Variants in MSI1 observed in about 807,000 individuals in gnomAD.
MSI1 encodes RNA-binding protein Musashi homolog 1.
Under a neutral mutation model 54.4 loss-of-function variants are expected in MSI1, and 15 were observed. That is an observed-to-expected ratio of 0.28 (90% CI 0.18 to 0.42). The LOEUF is 0.42. Ranked by LOEUF, MSI1 falls within the 20% of genes least tolerant of loss-of-function variation. The probability of loss-of-function intolerance (pLI) is 1.00; values close to 1 mark genes in which losing one functional copy is unlikely to be tolerated. For missense variants in MSI1, 304 were observed against 506.0 expected (o/e 0.60, Z 3.83); for synonymous variants, 200 against 196.5 (o/e 1.02, Z -0.15).
intron 8 of MSI1, 86 bp from the exon 9 acceptor site, chr12:120,357,105 T>C: frequency 8.3e-7 from 1 of 1,209,236 alleles, no homozygotes; most frequent in Non-Finnish European, 1.2e-6. Flanking sequence ...TTATTAATTT[T>C]ATTAATTTCA....
intron 6 of MSI1, among the ~76,000 whole-genome samples, chr12:120,359,313 G>A (rs1875429166): frequency 6.6e-6 from 1 of 152,208 alleles, no homozygotes; most frequent in African/African-American, 2.4e-5. Flanking sequence ...TCCCCATGGT[G>A]TAGATAAGAA....
chr12:120,365,102 G>T (rs144296769), intron 4 of MSI1, among the ~76,000 whole-genome samples: 1 of 152,148 alleles, frequency 6.6e-6, no homozygotes, highest in Non-Finnish European at 1.5e-5. Context: ...GTAGAGACGG[G>T]GTTTCACCAT....
chr12:120,368,896 A>G lies in MSI1; in HGVS notation c.60-23T>C. On this transcript the variant is annotated intron_variant, in intron 1 of 14. Coordinates refer to ENST00000257552, the MANE Select transcript of MSI1 (RefSeq NM_002442.4). The surrounding 1 kb of genome is among the most constrained non-coding windows in gnomAD (Gnocchi z 6.6). Reference sequence around the variant, plus strand: ...TTGCTGCGGGAGGAGGAGAGACACAAAGGGCCCGCGTGAGCGCCGGGCGCC... The same window carrying G: ...TTGCTGCGGGAGGAGGAGAGACACAGAGGGCCCGCGTGAGCGCCGGGCGCC... The G allele has an allele frequency of 7.1e-7, 1 of 1,405,810 alleles. No homozygotes were observed. Among genetic ancestry groups the G allele is most frequent in the Non-Finnish European group, 9.4e-7 (1 of 1,062,948 alleles). The allele number at this position is 1,405,810 out of a possible 1,614,324, so 87.1% of individuals were successfully genotyped here.
intron 12 of MSI1, among the ~76,000 whole-genome samples, chr12:120,346,855 T>A (rs113719800): frequency 3.2e-4 from 49 of 152,184 alleles, no homozygotes; most frequent in Non-Finnish European, 4.4e-5. Flanking sequence ...CTCCCCCTAG[T>A]GCAGCAGCAT....
rs929845460 is a variant in MSI1, at chr12:120,341,906, A to G, written c.*1221T>C. On this transcript the variant is annotated 3_prime_UTR_variant, in exon 15 of 15. Transcript: ENST00000257552. ...TGCCACGCCAGCCAGGCCACTGTTC[A>G]TGAAGGTCCAACGCTCTGAACCTCT... 6.5e-6 allele frequency: 1 copy of G among 152,702 alleles called. No homozygotes were observed. The highest frequency in any genetic ancestry group is 1.9e-4 in the East Asian group (1 of 5,176). 9.5% of individuals were successfully genotyped at this position (152,702 alleles called of 1,614,324 possible).
rs1046133839 is a variant in MSI1 at position 120,357,982 on chromosome 12, G to C, written c.452-84C>G. The stretch of plus-strand genomic sequence containing the variant: ...AACCCCAGGTCGTACCAATATCCCC[G>C]CTCCTCTCTCTCTGGCGAGTGAGAG... On this transcript the variant is annotated intron_variant, in intron 7 of 14. Coordinates refer to ENST00000257552, the MANE Select transcript of MSI1 (RefSeq NM_002442.4). 11 of 1,134,074 alleles carry C rather than the reference G, an allele frequency of 9.7e-6. No individual in the cohort carries two copies. In the Admixed American group the frequency reaches 1.7e-4, roughly 18 times the overall value. 70.3% of individuals were successfully genotyped at this position (1,134,074 alleles called of 1,614,324 possible). A position where few individuals can be genotyped will look rare whatever the true frequency, so the allele number is the denominator to read the frequency against.
intron 12 of MSI1, among the ~76,000 whole-genome samples, chr12:120,346,748 T>C (rs1420780530): frequency 6.6e-6 from 1 of 152,162 alleles, no homozygotes; most frequent in Non-Finnish European, 1.5e-5. Context: ...CTTTTCCTCC[T>C]CTTTGCCTTT....
At chr12:120,353,238 AGTC>A in intron 10 of MSI1, 58 bp downstream of exon 10, 1 of 1,532,356 alleles carries the variant, frequency 6.5e-7, no homozygotes, top group Non-Finnish European at 9.0e-7. Context: ...CACCCTGAGA[AGTC>A]AGACTGCCCG....
At chr12:120,353,454 A>G in intron 9 of MSI1, 75 bp from the exon 10 acceptor site, 3 of 1,285,792 alleles carry the variant, frequency 2.3e-6, no homozygotes, top group Non-Finnish European at 3.4e-6. Context: ...GACCTGAGCC[A>G]CTCATGTCCC....
chr12:120,366,439 A>G (rs1482763220), intron 4 of MSI1, among the ~76,000 whole-genome samples: 1 of 151,576 alleles, frequency 6.6e-6, no homozygotes, highest in East Asian at 1.9e-4. Context: ...TCAATTCCAC[A>G]CCTCCACGGA....
Position 120,369,092 on chromosome 12 carries a change from C to T in MSI1, c.-1G>A. The T allele has an allele frequency of 9.8e-7, 1 of 1,015,642 alleles. No homozygotes were observed. Among genetic ancestry groups the T allele is most frequent in the Non-Finnish European group, 1.2e-6 (1 of 854,438 alleles). The allele number at this position is 1,015,642 out of a possible 1,614,324, so 62.9% of individuals were successfully genotyped here. ...CGGGCTGGGGCGCGTCAGTCTCCAT[C>T]GGGAGCCGCGGGCGGCGCGGGCAGC... On this transcript the variant is annotated 5_prime_UTR_variant, in exon 1 of 15. Transcript: ENST00000257552.
chr12:120,365,751 G>C (rs1325748940), intron 4 of MSI1, among the ~76,000 whole-genome samples: 2 of 152,186 alleles, frequency 1.3e-5, no homozygotes, highest in Non-Finnish European at 2.9e-5. Flanking sequence ...TCGGTGACGT[G>C]AAAGGGCATG....
At chr12:120,362,163 C>G (rs541484884) in intron 6 of MSI1, among the ~76,000 whole-genome samples, 14 of 152,148 alleles carry the variant, frequency 9.2e-5, no homozygotes, top group African/African-American at 1.9e-4. Flanking sequence ...ACACCTCCCC[C>G]CCCCACACAA....
In MSI1 at chr12:120,369,120, AGCG is replaced by A. The variant is rs547256348; in HGVS notation, c.-32_-30del. 4.5e-4 allele frequency: 446 copies of A among 999,408 alleles called. No individual in the cohort carries two copies. Among genetic ancestry groups the A allele is most frequent in the East Asian group, 3.1e-3 (29 of 9,322 alleles). The allele number at this position is 999,408 out of a possible 1,614,324, so 61.9% of individuals were successfully genotyped here. The stretch of plus-strand genomic sequence containing the variant: ...GAGCCGCGGGCGGCGCGGGCAGCGG[AGCG>A]GCGGCGGCGGCGGCGGCGGCGGCGC... On this transcript the variant is annotated 5_prime_UTR_variant, in exon 1 of 15. Coordinates refer to ENST00000257552, the MANE Select transcript of MSI1 (RefSeq NM_002442.4).
intron 11 of MSI1, 86 bp downstream of exon 11, chr12:120,351,258 C>T (rs1874571741): frequency 3.1e-6 from 4 of 1,271,692 alleles, no homozygotes; most frequent in Non-Finnish European, 4.5e-6. Flanking sequence ...GAAAAGGATC[C>T]CGCTAGCTTT....
At chr12:120,345,661 T>G in intron 13 of MSI1, 29 bp from the exon 14 acceptor site, 10 of 1,613,136 alleles carry the variant, frequency 6.2e-6, no homozygotes, top group Non-Finnish European at 8.5e-6. Flanking sequence ...GACTCCTAGA[T>G]TCCTGGGAAA....
intron 10 of MSI1, 47 bp from the exon 11 acceptor site, chr12:120,351,447 T>C (rs773238109): frequency 2.4e-5 from 38 of 1,582,514 alleles, no homozygotes; most frequent in Admixed American, 6.8e-5. Flanking sequence ...GGGAGGCCCC[T>C]TGGACATGGC....
chr12:120,361,096 A>C (rs1342246047), intron 6 of MSI1, among the ~76,000 whole-genome samples: 1 of 152,164 alleles, frequency 6.6e-6, no homozygotes, highest in Non-Finnish European at 1.5e-5. Flanking sequence ...GGAACGTGGC[A>C]AAGCTGGGGA....
At chr12:120,347,338 G>T in intron 12 of MSI1, 108 bp downstream of exon 12, 1 of 1,285,468 alleles carries the variant, frequency 7.8e-7, no homozygotes, top group Non-Finnish European at 1.1e-6. Flanking sequence ...TTGAGTGAAT[G>T]AACAAGTGTC....
Sources: gnomAD v4.1 joint callset for allele counts (sites outside exome capture counted in the v4.1 genomes callset) on GRCh38, gnomAD v4.1.1 for gene constraint, Gnocchi (gnomAD v3.1) non-coding constraint, MANE v1.5 for transcripts, NCBI Gene and HGNC (gene_info 2026-07-23, HGNC 2026-07-21) for gene names.